Variants in PDE1C observed in about 807,000 individuals in gnomAD.
PDE1C encodes the protein dual specificity calcium/calmodulin-dependent 3',5'-cyclic nucleotide phosphodiesterase 1C.
A neutral mutation model predicts 93.1 loss-of-function variants in PDE1C; 62 were observed. That is an observed-to-expected ratio of 0.67 (90% CI 0.54 to 0.82). The LOEUF is 0.82. Among genes scored for constraint, PDE1C ranks in the 40% least tolerant of loss-of-function variants. PDE1C has a pLI of 0.00. For missense variants in PDE1C, 742 were observed against 884.6 expected (o/e 0.84, Z 2.04); for synonymous variants, 325 against 310.1 (o/e 1.05, Z -0.50).
rs551281923 is a variant in PDE1C at position 32,398,054 on chromosome 7, G to A, written c.310+29768C>T. ...TGTAGTCCCAGCTACTCTGGAGGCT[G>A]AGGCAGGAGAATGGCGTGAACCCAG... On this transcript the variant is annotated intron_variant, in intron 1 of 1. Coordinates refer to the PDE1C transcript ENST00000672256. 1.6e-4 allele frequency among the ~76,000 whole-genome samples: 25 copies of A among 152,134 alleles called. No individual in the cohort carries two copies. In the South Asian group the frequency reaches 5.2e-3, roughly 32 times the overall value.
intron 2 of PDE1C, among the ~76,000 whole-genome samples, chr7:31,927,526 C>A (rs910224754): frequency 2.0e-5 from 3 of 152,212 alleles, no homozygotes; most frequent in African/African-American, 7.2e-5. Context: ...CAGGGGTCAA[C>A]AGACACCTCA....
chr7:31,713,639 T>C, the PDE1C span, among the ~76,000 whole-genome samples: 1 of 152,222 alleles, frequency 6.6e-6, no homozygotes, highest in East Asian at 1.9e-4. Context: ...ACTCTGCCCC[T>C]GCACAAACTT....
the PDE1C span, among the ~76,000 whole-genome samples, chr7:31,638,620 T>A: frequency 6.6e-6 from 1 of 152,224 alleles, no homozygotes; most frequent in Non-Finnish European, 1.5e-5. Context: ...ACCCTAAAGA[T>A]GTTACTCAAC....
intron 1 of PDE1C, among the ~76,000 whole-genome samples, chr7:32,276,711 G>A (rs1439362767): frequency 6.6e-6 from 1 of 152,080 alleles, no homozygotes; most frequent in Non-Finnish European, 1.5e-5. Flanking sequence ...CTATCTCACA[G>A]GGATGTTGTG....
chr7:32,223,544 G>A (rs1164695201), intron 1 of PDE1C, among the ~76,000 whole-genome samples: 1 of 152,174 alleles, frequency 6.6e-6, no homozygotes, highest in East Asian at 1.9e-4. Context: ...GGATTCAGCT[G>A]AAACATCATG....
intron 1 of PDE1C, among the ~76,000 whole-genome samples, chr7:32,343,999 C>T (rs1050636117): frequency 6.6e-6 from 1 of 152,218 alleles, no homozygotes; most frequent in Non-Finnish European, 1.5e-5. Context: ...AACTATAATA[C>T]ACCCAAATGG....
At chr7:31,991,304 G>T (rs1355949946) in intron 2 of PDE1C, among the ~76,000 whole-genome samples, 1 of 152,204 alleles carries the variant, frequency 6.6e-6, no homozygotes, top group Non-Finnish European at 1.5e-5. Context: ...TGGTTCTGAT[G>T]ATGTAAAACG....
At chr7:31,985,501 C>T (rs1275401788) in intron 2 of PDE1C, among the ~76,000 whole-genome samples, 1 of 152,050 alleles carries the variant, frequency 6.6e-6, no homozygotes, top group African/African-American at 2.4e-5. Flanking sequence ...TATACATGTG[C>T]CATGTTGGTT....
chr7:31,739,651 T>A, the PDE1C span, among the ~76,000 whole-genome samples: 3 of 152,146 alleles, frequency 2.0e-5, no homozygotes, highest in African/African-American at 7.2e-5. Flanking sequence ...AATGGAGGTG[T>A]GCTCAGAAGC....
chr7:32,369,023 C>A (rs1428684974), intron 1 of PDE1C, among the ~76,000 whole-genome samples: 1 of 152,010 alleles, frequency 6.6e-6, no homozygotes, highest in Admixed American at 6.6e-5. Context: ...AATGTAATAC[C>A]CAAAACTGTA....
chr7:32,159,670 C>A (rs1231021941), intron 3 of PDE1C, among the ~76,000 whole-genome samples: 1 of 152,032 alleles, frequency 6.6e-6, no homozygotes, highest in Non-Finnish European at 1.5e-5. Context: ...AGTAGAAAGG[C>A]AGAGGTGCAG....
intron 1 of PDE1C, among the ~76,000 whole-genome samples, chr7:32,304,633 T>C (rs1274605021): frequency 1.3e-5 from 2 of 152,200 alleles, no homozygotes; most frequent in Admixed American, 1.3e-4. Context: ...TAATAACTTT[T>C]AAAATTAATA....
intron 16 of PDE1C, among the ~76,000 whole-genome samples, chr7:31,808,710 T>C (rs987896002): frequency 5.9e-5 from 9 of 152,022 alleles, no homozygotes; most frequent in African/African-American, 1.4e-4. Context: ...ATTAGCAGTA[T>C]ATGATACTCC....
chr7:31,775,698 TG>T lies in PDE1C; in HGVS notation c.1925del (p.Pro642GlnfsTer55). Reference sequence around the variant, plus strand: ...TAAGGCGACACGTGGAGCTGGTGCTTGGGGCTGGTGAGCCGTGAGAACGCTG... The same window carrying T: ...TAAGGCGACACGTGGAGCTGGTGCTTGGGCTGGTGAGCCGTGAGAACGCTG... ...TKQRSHGSPA[P>X]STSSTCRLTL... is the part of the protein sequence containing the mutation. On this transcript the variant is annotated frameshift_variant, in exon 17 of 18. Transcript: ENST00000396191. LOFTEE classifies it high-confidence loss of function. 1 of 1,612,798 alleles carries T rather than the reference TG, an allele frequency of 6.2e-7. No homozygotes were observed. Among genetic ancestry groups the T allele is most frequent in the Non-Finnish European group, 8.5e-7 (1 of 1,179,856 alleles).
intron 6 of PDE1C, among the ~76,000 whole-genome samples, chr7:31,867,923 C>T (rs140853228): frequency 4.5e-3 from 687 of 152,324 alleles, no homozygotes; most frequent in Admixed American, 6.4e-3. Context: ...GAAGAAATCA[C>T]GTACACTGCT....
intron 1 of PDE1C, among the ~76,000 whole-genome samples, chr7:32,218,006 G>A (rs1160706190): frequency 6.6e-6 from 1 of 152,174 alleles, no homozygotes; most frequent in African/African-American, 2.4e-5. Context: ...CCTTATTTCA[G>A]AGGCAGTGCC....
chr7:32,130,926 G>A (rs1338797404), intron 3 of PDE1C, among the ~76,000 whole-genome samples: 5 of 151,934 alleles, frequency 3.3e-5, no homozygotes, highest in Admixed American at 3.3e-4. Context: ...ATGGTAATAA[G>A]TACATACTTA....
At chr7:31,985,821 T>C (rs914518596) in intron 2 of PDE1C, among the ~76,000 whole-genome samples, 6 of 152,208 alleles carry the variant, frequency 3.9e-5, no homozygotes, top group Non-Finnish European at 1.5e-5. Context: ...AGTCTATCAT[T>C]GATGGACATT....
intron 3 of PDE1C, among the ~76,000 whole-genome samples, chr7:32,116,367 AT>A: frequency 6.6e-6 from 1 of 152,142 alleles, no homozygotes; most frequent in South Asian, 2.1e-4. Context: ...AGAAAACCCC[AT>A]AAGATAATAC....
Sources: gnomAD v4.1 joint callset for allele counts (sites outside exome capture counted in the v4.1 genomes callset) on GRCh38, gnomAD v4.1.1 for gene constraint, MANE v1.5 for transcripts, NCBI Gene and HGNC (gene_info 2026-07-23, HGNC 2026-07-21) for gene names.